The following HEMK2 variants were observed in gnomAD, a reference collection of about 807,000 sequenced individuals.
The protein encoded by HEMK2 is HemK methyltransferase 2, ETF1 glutamine and histone H4 lysine.
the HEMK2 span, among the ~76,000 whole-genome samples, chr21:28,729,961 T>C: frequency 1.3e-5 from 2 of 151,994 alleles, no homozygotes; most frequent in East Asian, 3.9e-4. Context: ...AAGGTCAGAG[T>C]ATCCACTTAC....
chr21:28,629,261 A>G, the HEMK2 span, among the ~76,000 whole-genome samples: 3,008 of 152,302 alleles, frequency 0.02, 106 homozygotes, highest in African/African-American at 0.068. Context: ...GGTAATTAGA[A>G]AGGAGGAGGT....
At chr21:28,698,535 T>C in the HEMK2 span, among the ~76,000 whole-genome samples, 1 of 152,104 alleles carries the variant, frequency 6.6e-6, no homozygotes, top group Non-Finnish European at 1.5e-5. Context: ...TAAAGAATTA[T>C]TTAATTTAAA....
At chr21:28,635,593 A>G in the HEMK2 span, among the ~76,000 whole-genome samples, 4 of 152,148 alleles carry the variant, frequency 2.6e-5, no homozygotes, top group Non-Finnish European at 2.9e-5. Context: ...ATACTACACT[A>G]CTGTGTACCA....
chr21:28,656,259 C>T, the HEMK2 span, among the ~76,000 whole-genome samples: 3 of 152,120 alleles, frequency 2.0e-5, no homozygotes, highest in South Asian at 4.1e-4. Flanking sequence ...CTAGAAACCA[C>T]ATCCTTTGCC....
the HEMK2 span, among the ~76,000 whole-genome samples, chr21:28,851,315 C>T: frequency 6.6e-6 from 1 of 152,014 alleles, no homozygotes; most frequent in African/African-American, 2.4e-5. Flanking sequence ...GTCATATGGC[C>T]CAAGTGTAAG....
the HEMK2 span, among the ~76,000 whole-genome samples, chr21:28,726,355 C>A: frequency 1.3e-5 from 2 of 151,906 alleles, no homozygotes; most frequent in Admixed American, 1.3e-4. Flanking sequence ...GGAAAATCAT[C>A]TCAATGAAAT....
the HEMK2 span, among the ~76,000 whole-genome samples, chr21:28,832,886 C>T: frequency 6.6e-6 from 1 of 152,140 alleles, no homozygotes; most frequent in Non-Finnish European, 1.5e-5. Context: ...GGAGTAACAC[C>T]CATGCACTAG....
chr21:28,736,432 G>GTTCACAAAC, the HEMK2 span, among the ~76,000 whole-genome samples: 1 of 152,196 alleles, frequency 6.6e-6, no homozygotes, highest in African/African-American at 2.4e-5. Flanking sequence ...GGAGCTGCTT[G>GTTCACAAAC]TTCACAAACT....
At chr21:28,582,272 A>G in the HEMK2 span, among the ~76,000 whole-genome samples, 2 of 152,234 alleles carry the variant, frequency 1.3e-5, no homozygotes, top group South Asian at 4.1e-4. Context: ...ACGGTAGTCC[A>G]GCTCACACTC....
chr21:28,838,316 C>G, the HEMK2 span, among the ~76,000 whole-genome samples: 1 of 151,938 alleles, frequency 6.6e-6, no homozygotes, highest in African/African-American at 2.4e-5. Context: ...AGGTGGATCA[C>G]GAGGTCAGGA....
the HEMK2 span, among the ~76,000 whole-genome samples, chr21:28,767,747 AG>A: frequency 6.6e-6 from 1 of 152,088 alleles, no homozygotes; most frequent in African/African-American, 2.4e-5. Flanking sequence ...GCCTTGGGGT[AG>A]GCGGTAGTTG....
the HEMK2 span, among the ~76,000 whole-genome samples, chr21:28,715,816 T>C: frequency 6.6e-6 from 1 of 152,200 alleles, no homozygotes; most frequent in African/African-American, 2.4e-5. Context: ...TTAATTTTTG[T>C]ATATGATGAT....
the HEMK2 span, among the ~76,000 whole-genome samples, chr21:28,832,938 G>T: frequency 6.6e-6 from 1 of 152,340 alleles, no homozygotes; most frequent in Admixed American, 6.5e-5. Flanking sequence ...TGCCTATCAT[G>T]TGCTAGGTGT....
the HEMK2 span, among the ~76,000 whole-genome samples, chr21:28,749,886 C>T: frequency 0.19 from 29,489 of 152,210 alleles, 3,573 homozygotes; most frequent in African/African-American, 0.34. Flanking sequence ...CTTCCAAAAA[C>T]TGGCATATTC....
the HEMK2 span, among the ~76,000 whole-genome samples, chr21:28,803,635 C>T: frequency 5.3e-5 from 8 of 152,284 alleles, no homozygotes; most frequent in East Asian, 3.9e-4. Context: ...CTCATCACTA[C>T]CTCTATTAGG....
At chr21:28,684,075 A>T in the HEMK2 span, among the ~76,000 whole-genome samples, 1 of 152,210 alleles carries the variant, frequency 6.6e-6, no homozygotes, top group African/African-American at 2.4e-5. Context: ...TGCTATGCTT[A>T]TATGTTGTTT....
At chr21:28,700,805 C>T in the HEMK2 span, among the ~76,000 whole-genome samples, 175 of 146,578 alleles carry the variant, frequency 1.2e-3, 1 homozygote, top group African/African-American at 4.1e-3. Context: ...AGGCCAGTAT[C>T]ATCCTGATAC....
the HEMK2 span, among the ~76,000 whole-genome samples, chr21:28,639,951 G>C: frequency 6.6e-6 from 1 of 152,184 alleles, no homozygotes; most frequent in Admixed American, 6.5e-5. Context: ...GGGATCTGAG[G>C]GGGTGGAGGA....
At chr21:28,642,340 C>A in the HEMK2 span, among the ~76,000 whole-genome samples, 1 of 152,178 alleles carries the variant, frequency 6.6e-6, no homozygotes, top group South Asian at 2.1e-4. Flanking sequence ...AGTCAGCCTG[C>A]CACTGGCCAC....
Sources: allele counts gnomAD v4.1 joint callset (sites outside exome capture counted in the v4.1 genomes callset), GRCh38; gene constraint gnomAD v4.1.1; transcripts MANE v1.5; gene names NCBI Gene and HGNC (gene_info 2026-07-23, HGNC 2026-07-21).